Variants in ARMC5 observed in about 807,000 individuals in gnomAD.
ARMC5 encodes the protein armadillo repeat-containing protein 5.
ARMC5 carries 28 observed loss-of-function variants against 60.5 expected under a neutral mutation model. The ratio of observed to expected loss-of-function variants is 0.46; its 90% confidence interval spans 0.34 to 0.63. The LOEUF is 0.63. Among genes scored for constraint, ARMC5 ranks in the 30% least tolerant of loss-of-function variants. The pLI is 0.01. For missense variants in ARMC5, 1,189 were observed against 1,304.9 expected (o/e 0.91, Z 1.37); for synonymous variants, 680 against 607.3 (o/e 1.12, Z -1.76).
Position 31,462,832 on chromosome 16 carries a change from G to A in ARMC5, c.1285G>A (p.Glu429Lys), listed in dbSNP as rs1180289852. ...QLCGEAGEEE[E>K]EGREAASWDF... is the part of the protein sequence containing the mutation. ...GTGTGGTGAGGCTGGTGAGGAGGAA[G>A]AAGAGGGAAGAGAAGCTGCTTCCTG... Residue 429 changes from glutamate to lysine, a missense_variant, in exon 3 of 6, where the codon GAA (glutamate) becomes AAA (lysine). Transcript: ENST00000268314. The surrounding 1 kb of genome is among the most constrained non-coding windows in gnomAD (Gnocchi z 7.2). 1.2e-6 allele frequency: 2 copies of A among 1,613,944 alleles called. No individual in the cohort carries two copies. The highest frequency in any genetic ancestry group is 1.7e-6 in the Non-Finnish European group (2 of 1,180,030).
In ARMC5 at chr16:31,464,560, G is replaced by A. The variant is rs761396211; in HGVS notation, c.1537G>A (p.Ala513Thr). The change falls in exon 4 of 6, where the codon GCC (alanine) becomes ACC (threonine). Residue 513 changes from alanine to threonine, a missense_variant. Around this residue, in one of 2 missense-constraint regions of ARMC5, gnomAD observed 862 missense variants for 1,071.2 expected, o/e 0.80. Coordinates refer to ENST00000268314, the MANE Select transcript of ARMC5 (RefSeq NM_001105247.2). This position sits in a 1 kb window ranked among gnomAD's most constrained non-coding sequence, Gnocchi z 7.6. ...TQRTPGRSPA[A>T]AIEEPWGREG... is the part of the protein sequence containing the mutation. ...ACGCACTCCGGGCCGCAGCCCCGCCGCCGCCATCGAGGAGCCTTGGGGACG... is the reference window on the plus strand; with the variant it reads ...ACGCACTCCGGGCCGCAGCCCCGCCACCGCCATCGAGGAGCCTTGGGGACG... 2.9e-5 allele frequency: 46 copies of A among 1,582,842 alleles called. No individual in the cohort carries two copies. The highest frequency in any genetic ancestry group is 1.1e-4 in the South Asian group (10 of 88,592).
chr16:31,459,498 G>T, upstream of ARMC5: 2 of 1,587,650 alleles, frequency 1.3e-6, no homozygotes, highest in Admixed American at 1.8e-5. Context: ...GGCGAGAAGC[G>T]GGGCGGAGTC....
At position 31,462,925 on chromosome 16, in the gene ARMC5, C is replaced by T. The variant is rs776738449; in HGVS notation, c.1370+8C>T. The T allele has an allele frequency of 5.1e-6, 8 of 1,563,824 alleles. No individual in the cohort carries two copies. Among genetic ancestry groups the T allele is most frequent in the Middle Eastern group, 1.8e-4 (1 of 5,484 alleles). Reference sequence around the variant, plus strand: ...AAGCTTCCGGAGCCTCAGGTGAGTCCCTGCCTCAGGGCTTGGGAGGGTGAG... The same window carrying T: ...AAGCTTCCGGAGCCTCAGGTGAGTCTCTGCCTCAGGGCTTGGGAGGGTGAG... On this transcript the variant is annotated splice_region_variant and intron_variant, in intron 3 of 5. Coordinates refer to ENST00000268314, the MANE Select transcript of ARMC5 (RefSeq NM_001105247.2). This position sits in a 1 kb window ranked among gnomAD's most constrained non-coding sequence, Gnocchi z 7.2.
In ARMC5 at chr16:31,462,640, C is replaced by T. The variant is rs771598546; in HGVS notation, c.1093C>T (p.Leu365=). The T allele has an allele frequency of 1.2e-6, 2 of 1,613,608 alleles. No homozygotes were observed. Among genetic ancestry groups the T allele is most frequent in the Admixed American group, 1.7e-5 (1 of 60,006 alleles). Residue 365 remains leucine (L), a synonymous_variant, in exon 3 of 6, where the codon CTG becomes TTG. Coordinates refer to ENST00000268314, the MANE Select transcript of ARMC5 (RefSeq NM_001105247.2). This position sits in a 1 kb window ranked among gnomAD's most constrained non-coding sequence, Gnocchi z 7.2. ...TCGTGAGGCCATCAACCGGGCCCGA[C>T]TGCGGGATGCTGGTGGCTTGGATCT... ...LCREAINRAR[L]RDAGGLDLLM...
At position 31,459,803 on chromosome 16, in the gene ARMC5, C is replaced by T. The variant is rs1022735732; in HGVS notation, c.279C>T (p.Pro93=). 1.9e-6 allele frequency: 3 copies of T among 1,540,368 alleles called. No individual in the cohort carries two copies. The highest frequency in any genetic ancestry group is 1.2e-5 in the South Asian group (1 of 85,184). The change falls in exon 1 of 6, where the codon CCC becomes CCT. Residue 93 remains proline, a synonymous_variant. Coordinates refer to ENST00000268314, the MANE Select transcript of ARMC5 (RefSeq NM_001105247.2). ...CCCAGGCAGGCCCCGGCTCCGCCCC[C>T]TCGTCGGCCGCGTCGGGAGCTTCTA... ...APSQAGPGSA[P]SSAASGASSP...
chr16:31,462,647 A>T lies in ARMC5; in HGVS notation c.1100A>T (p.Asp367Val). Residue 367 changes from aspartate to valine, a missense_variant, in exon 3 of 6, where the codon GAT becomes GTT. By Grantham distance (152) the Asp-to-Val change is radical (BLOSUM62 -3). Around this residue, in one of 2 missense-constraint regions of ARMC5, gnomAD observed 862 missense variants for 1,071.2 expected, o/e 0.80. Coordinates refer to ENST00000268314, the MANE Select transcript of ARMC5 (RefSeq NM_001105247.2). The surrounding 1 kb of genome is among the most constrained non-coding windows in gnomAD (Gnocchi z 7.2). The stretch of plus-strand genomic sequence containing the variant: ...GCCATCAACCGGGCCCGACTGCGGG[A>T]TGCTGGTGGCTTGGATCTACTGATG... ...REAINRARLRDAGGLDLLMGL... is the reference protein window; with the variant it reads ...REAINRARLRVAGGLDLLMGL... 1.9e-6 allele frequency: 3 copies of T among 1,613,668 alleles called. No homozygotes were observed. The highest frequency in any genetic ancestry group is 2.5e-6 in the Non-Finnish European group (3 of 1,180,006).
intron 1 of ARMC5, among the ~76,000 whole-genome samples, chr16:31,461,012 A>G (rs958522825): frequency 6.6e-6 from 1 of 152,164 alleles, no homozygotes; most frequent in Non-Finnish European, 1.5e-5. Context: ...TCTGGACCAT[A>G]TATGTTTGAC....
intron 4 of ARMC5, chr16:31,465,251 C>T (rs184155650): frequency 6.5e-7 from 1 of 1,535,666 alleles, no homozygotes; most frequent in East Asian, 2.3e-5. Context: ...CACCATCACC[C>T]CCAGCACTGC....
chr16:31,458,653 A>C (rs1300217779), upstream of ARMC5: 106 of 1,435,504 alleles, frequency 7.4e-5, no homozygotes, highest in Non-Finnish European at 9.5e-5. Context: ...CTAGAGCCTG[A>C]CCATTTTCCG....
At chr16:31,458,953 A>G, upstream of ARMC5, 2 of 1,535,618 alleles carry the variant, frequency 1.3e-6, no homozygotes, top group South Asian at 1.2e-5. Context: ...CCGTCACTCT[A>G]GGAAGCGGCA....
At chr16:31,458,695 G>C, upstream of ARMC5, 3 of 1,455,652 alleles carry the variant, frequency 2.1e-6, no homozygotes, top group East Asian at 2.5e-5. Context: ...CACCAGGAAG[G>C]GCTGCTCAGG....
At chr16:31,465,758 C>T in intron 4 of ARMC5, 92 bp from the exon 5 acceptor site, 1 of 1,572,800 alleles carries the variant, frequency 6.4e-7, no homozygotes, top group Admixed American at 1.9e-5. Context: ...AGAGGTTTCA[C>T]CCTCCTTCAT....
rs1395308708 is a variant in ARMC5, at chr16:31,464,793, G to A, written c.1770G>A (p.Ala590=). 18 of 1,598,332 alleles carry A rather than the reference G, an allele frequency of 1.1e-5. No individual in the cohort carries two copies. The highest frequency in any genetic ancestry group is 2.2e-5 in the South Asian group (2 of 90,810). Residue 590 remains alanine, a synonymous_variant, in exon 4 of 6, where the codon GCG becomes GCA. Transcript: ENST00000268314. The surrounding 1 kb of genome is among the most constrained non-coding windows in gnomAD (Gnocchi z 7.6). ...CCTTCGTGCGCAGCTATGGCGCGGC[G>A]CTGCTGCGGGCCTGGCTGGTGCTGG... ...LEAFVRSYGA[A]LLRAWLVLGV...
upstream of ARMC5, chr16:31,458,686 A>G (rs2082268405): frequency 1.4e-6 from 2 of 1,455,196 alleles, no homozygotes; most frequent in Admixed American, 4.9e-5. Context: ...CCCCGACCAC[A>G]CCAGGAAGGG....
At chr16:31,465,817 C>T (rs751985137) in intron 4 of ARMC5, 33 bp from the exon 5 acceptor site, 123 of 1,605,496 alleles carry the variant, frequency 7.7e-5, no homozygotes, top group Non-Finnish European at 9.8e-5. Context: ...TCTTAGACCC[C>T]AGTTCCCAGC....
Position 31,466,536 on chromosome 16 carries a change from C to T in ARMC5, c.2455C>T (p.Pro819Ser). Reference sequence around the variant, plus strand: ...TCGGGGGTGTGGGGCTGCCCTGGGGCCCGTGCCCCCACCAGGCCAGCCCCT... The same window carrying T: ...TCGGGGGTGTGGGGCTGCCCTGGGGTCCGTGCCCCCACCAGGCCAGCCCCT... ...GCRGCGAALG[P>S]VPPPGQPLLG... The change falls in exon 6 of 6, where the codon CCC becomes TCC. Residue 819 changes from proline to serine, a missense_variant. By Grantham distance (74) the Pro-to-Ser change is moderately conservative. Transcript: ENST00000268314. The surrounding 1 kb of genome is among the most constrained non-coding windows in gnomAD (Gnocchi z 8.0). 6.2e-7 allele frequency: 1 copy of T among 1,608,088 alleles called. No individual in the cohort carries two copies. Among genetic ancestry groups the T allele is most frequent in the Non-Finnish European group, 8.5e-7 (1 of 1,179,282 alleles).
intron 4 of ARMC5, 147 bp downstream of exon 4, chr16:31,465,034 G>C (rs1480751954): frequency 4.3e-6 from 7 of 1,613,286 alleles, no homozygotes; most frequent in Non-Finnish European, 5.9e-6. Context: ...GTGGGGTGGG[G>C]AGCAGGGCGT....
chr16:31,462,206 T>G lies in ARMC5; in HGVS notation c.659T>G (p.Leu220Arg), dbSNP rs1259782931. The G allele has an allele frequency of 6.2e-7, 1 of 1,611,380 alleles. No homozygotes were observed. The highest frequency in any genetic ancestry group is 8.5e-7 in the Non-Finnish European group (1 of 1,179,986). Residue 220 changes from leucine (L) to arginine (R), a missense_variant, in exon 3 of 6, where the codon CTC becomes CGC. Transcript: ENST00000268314. This position sits in a 1 kb window ranked among gnomAD's most constrained non-coding sequence, Gnocchi z 7.2. ...SQCLQSVVRA[L>R]RNLADSPQHR... ...TGCCTACAGAGCGTGGTGCGTGCCC[T>G]CCGTAACCTGGCAGACTCACCCCAG...
chr16:31,466,945 TC>T lies in ARMC5; in HGVS notation c.*59del. The stretch of plus-strand genomic sequence containing the variant: ...AGGATGAATTGGCTGTGAAGGATCC[TC>T]CCTGAGACTGGCAAGGGAGGAGGCT... On this transcript the variant is annotated 3_prime_UTR_variant, in exon 6 of 6. Transcript: ENST00000268314. The surrounding 1 kb of genome is among the most constrained non-coding windows in gnomAD (Gnocchi z 8.0). The T allele has an allele frequency of 6.9e-7, 1 of 1,449,240 alleles. No homozygotes were observed. 89.8% of individuals were successfully genotyped at this position (1,449,240 alleles called of 1,614,324 possible). A position where few individuals can be genotyped will look rare whatever the true frequency, so the allele number is the denominator to read the frequency against.
Sources: allele counts gnomAD v4.1 joint callset (sites outside exome capture counted in the v4.1 genomes callset), GRCh38; gene constraint gnomAD v4.1.1; regional missense constraint gnomAD v4.1.1; non-coding constraint Gnocchi (gnomAD v3.1); transcripts MANE v1.5; gene names NCBI Gene and HGNC (gene_info 2026-07-23, HGNC 2026-07-21).